Variants in PARD3 observed in about 807,000 individuals in gnomAD.
The protein encoded by PARD3 is par-3 family cell polarity regulator.
PARD3 carries 75 observed loss-of-function variants against 155.4 expected under a neutral mutation model. The observed-to-expected ratio is 0.48, with a 90% confidence interval of 0.40 to 0.58. The LOEUF is 0.58. Ranked by LOEUF, PARD3 falls within the 20% of genes least tolerant of loss-of-function variation. PARD3 has a pLI of 0.00. For synonymous variants in PARD3, 576 were observed against 610.5 expected, an observed-to-expected ratio of 0.94 and a Z score of 0.83; for missense variants, 1,642 against 1,721.7, an observed-to-expected ratio of 0.95 and a Z score of 0.82.
At chr10:34,429,191 C>T (rs1398051219) in intron 5 of PARD3, among the ~76,000 whole-genome samples, 4 of 151,922 alleles carry the variant, frequency 2.6e-5, no homozygotes, top group Non-Finnish European at 5.9e-5. Flanking sequence ...ATCTCAGAAA[C>T]TCGGAAAATG....
At chr10:34,738,056 T>C (rs1223182831) in intron 1 of PARD3, among the ~76,000 whole-genome samples, 1 of 152,216 alleles carries the variant, frequency 6.6e-6, no homozygotes, top group Non-Finnish European at 1.5e-5. Context: ...TGGGTCTTAC[T>C]ACAGGCAATA....
chr10:34,199,889 C>T lies in PARD3; in HGVS notation c.3420-68306G>A, dbSNP rs140881130. Among the ~76,000 whole-genome samples the T allele has an allele frequency of 2.7e-4, 41 of 151,982 alleles. No homozygotes were observed. In the South Asian group the frequency reaches 7.3e-3, roughly 27 times the overall value. On this transcript the variant is annotated intron_variant, in intron 22 of 24. Coordinates refer to ENST00000374788, the MANE Select transcript of PARD3 (RefSeq NM_001184785.2). The stretch of plus-strand genomic sequence containing the variant: ...ACTATTCGAATGTGTTACAACTGCC[C>T]GACCCCAAAAAAACAGAATACCACA...
At chr10:34,434,912 C>T (rs949160303) in intron 5 of PARD3, among the ~76,000 whole-genome samples, 9 of 152,078 alleles carry the variant, frequency 5.9e-5, no homozygotes, top group Non-Finnish European at 4.4e-5. Flanking sequence ...CACATTCACA[C>T]GAGGCTTTGC....
chr10:34,140,668 C>T (rs1276358734), intron 22 of PARD3, among the ~76,000 whole-genome samples: 1 of 152,126 alleles, frequency 6.6e-6, no homozygotes, highest in East Asian at 1.9e-4. Flanking sequence ...TATCAAACTA[C>T]AAATAAAAAT....
rs1197496591 is a variant in PARD3, at chr10:34,371,518, A to G, written c.1707+980T>C. On this transcript the variant is annotated intron_variant, in intron 12 of 24. Coordinates refer to ENST00000374788, the MANE Select transcript of PARD3 (RefSeq NM_001184785.2). ...AAAAAAAAAAAAAAAAAAAAAAAAA[A>G]AAAAAAAAAAAAAACAACGAAGGAA... 6.0e-4 allele frequency among the ~76,000 whole-genome samples: 50 copies of G among 83,600 alleles called. 6 individuals carry two copies. Among genetic ancestry groups the G allele is most frequent in the African/African-American group, 7.1e-4 (6 of 8,480 alleles). 54.8% of individuals were successfully genotyped at this position (83,600 alleles called of 152,430 possible).
intron 22 of PARD3, among the ~76,000 whole-genome samples, chr10:34,165,331 A>G (rs980332314): frequency 6.6e-6 from 1 of 152,110 alleles, no homozygotes; most frequent in African/African-American, 2.4e-5. Flanking sequence ...TCCCTTTTGA[A>G]TGTGGAGGAT....
intron 22 of PARD3, among the ~76,000 whole-genome samples, chr10:34,197,132 T>G (rs1167786102): frequency 6.6e-6 from 1 of 152,204 alleles, no homozygotes; most frequent in Non-Finnish European, 1.5e-5. Context: ...TCAAAAACTG[T>G]GTTCTCCTCC....
chr10:34,426,515 A>G (rs1211174744), intron 5 of PARD3, among the ~76,000 whole-genome samples: 1 of 152,250 alleles, frequency 6.6e-6, no homozygotes, highest in Non-Finnish European at 1.5e-5. Flanking sequence ...ATCCACTTCT[A>G]TAATTAAAAA....
rs1352565240 is a variant in PARD3, at chr10:34,382,607, A to G, written c.1332T>C (p.Ser444=). Residue 444 remains serine (S), a synonymous_variant, in exon 9 of 25, where the codon AGT becomes AGC. Transcript: ENST00000374788. ...TGTTATAACCACTGCTTACAGTCGT[A>G]CTAAATACATTCTGAGGTGCCGAGG... ...APASAPQNVF[S]TTVSSGYNTK... 3 of 1,614,058 alleles carry G rather than the reference A, an allele frequency of 1.9e-6. No homozygotes were observed. The Admixed American group carries it at 5.0e-5, about 27-fold the overall frequency.
chr10:34,608,148 A>G (rs1302910709), intron 2 of PARD3, among the ~76,000 whole-genome samples: 3 of 152,182 alleles, frequency 2.0e-5, no homozygotes, highest in Non-Finnish European at 4.4e-5. Flanking sequence ...GCACGGTCCC[A>G]GCACAGGATG....
intron 20 of PARD3, among the ~76,000 whole-genome samples, chr10:34,286,124 A>C (rs1196409110): frequency 6.6e-6 from 1 of 152,242 alleles, no homozygotes; most frequent in African/African-American, 2.4e-5. Flanking sequence ...ATGCCTCAGA[A>C]TTACACATAA....
intron 22 of PARD3, among the ~76,000 whole-genome samples, chr10:34,204,695 T>TTACTGCTATCAGA (rs201586310): frequency 0.028 from 4,189 of 152,286 alleles, 89 homozygotes; most frequent in Non-Finnish European, 0.041. Context: ...TGTGCTTACG[T>TTACTGCTATCAGA]TACATTCCCC....
At chr10:34,253,472 C>T (rs1446439065) in intron 22 of PARD3, among the ~76,000 whole-genome samples, 1 of 152,180 alleles carries the variant, frequency 6.6e-6, no homozygotes, top group Non-Finnish European at 1.5e-5. Flanking sequence ...CATACAGTCA[C>T]AATCACCACC....
intron 1 of PARD3, among the ~76,000 whole-genome samples, chr10:34,799,401 C>G (rs1245530148): frequency 6.6e-6 from 1 of 152,032 alleles, no homozygotes; most frequent in East Asian, 1.9e-4. Flanking sequence ...ACATTTCCAG[C>G]AAGTTCCCAA....
At chr10:34,417,884 G>A (rs936701726) in intron 5 of PARD3, among the ~76,000 whole-genome samples, 21 of 152,062 alleles carry the variant, frequency 1.4e-4, no homozygotes, top group Admixed American at 7.2e-4. Flanking sequence ...TCCTCTTTCA[G>A]AGTCTGGAGA....
At chr10:34,359,041 G>T in intron 14 of PARD3, 106 bp downstream of exon 14, 1 of 705,922 alleles carries the variant, frequency 1.4e-6, no homozygotes, top group Non-Finnish European at 2.4e-6. Flanking sequence ...ATAATTTATG[G>T]TCTTTTGATG....
At chr10:34,496,056 G>A (rs539180487) in intron 3 of PARD3, among the ~76,000 whole-genome samples, 1 of 151,922 alleles carries the variant, frequency 6.6e-6, no homozygotes, top group African/African-American at 2.4e-5. Flanking sequence ...ACAAATATTA[G>A]CTGGGCATGG....
intron 20 of PARD3, among the ~76,000 whole-genome samples, chr10:34,304,886 A>G (rs1957327546): frequency 6.6e-6 from 1 of 152,240 alleles, no homozygotes; most frequent in Admixed American, 6.5e-5. Flanking sequence ...GTTTGCCTTA[A>G]AAAGTCAGAA....
chr10:34,144,623 C>G (rs1448960052), intron 22 of PARD3, among the ~76,000 whole-genome samples: 1 of 152,192 alleles, frequency 6.6e-6, no homozygotes, highest in Non-Finnish European at 1.5e-5. Flanking sequence ...ATTTATATCA[C>G]TATCTCCTGA....
Sources: gnomAD v4.1 joint callset for allele counts (sites outside exome capture counted in the v4.1 genomes callset) on GRCh38, gnomAD v4.1.1 for gene constraint, MANE v1.5 for transcripts, NCBI Gene and HGNC (gene_info 2026-07-23, HGNC 2026-07-21) for gene names.